Variants in FAM240B observed in about 807,000 individuals in gnomAD.
FAM240B encodes the protein family with sequence similarity 240 member B.
rs535429497 is a variant in FAM240B, at chr9:38,703,956, G to A, written c.44C>T (p.Thr15Ile). 1 of 400,364 alleles carries A rather than the reference G, an allele frequency of 2.5e-6. No homozygotes were observed. Among genetic ancestry groups the A allele is most frequent in the African/African-American group, 2.1e-5 (1 of 48,674 alleles). 24.8% of individuals were successfully genotyped at this position (400,364 alleles called of 1,614,324 possible). A position where few individuals can be genotyped will look rare whatever the true frequency, so the allele number is the denominator to read the frequency against. The stretch of plus-strand genomic sequence containing the variant: ...CCAGAAGCTTTTGAGCTCATGACAA[G>A]TTCCACAGCAGAAGACTTCTCGACG... ...YIRREVFCCGTCHELKSFWEK... is the reference protein window; with the variant it reads ...YIRREVFCCGICHELKSFWEK... Residue 15 changes from threonine (T) to isoleucine (I), a missense_variant, in exon 2 of 3, where the codon ACT (threonine) becomes ATT (isoleucine). Thr to Ile is a moderately conservative substitution (Grantham distance 89, BLOSUM62 -1). Transcript: ENST00000637493.
intron 2 of FAM240B, among the ~76,000 whole-genome samples, chr9:38,696,832 TG>T (rs1195411075): frequency 1.3e-5 from 2 of 152,102 alleles, no homozygotes; most frequent in Non-Finnish European, 2.9e-5. Context: ...AAAAAAGTGA[TG>T]ATTTATTGAG....
rs142884801 is a variant in FAM240B at position 38,701,667 on chromosome 9, G to A, written c.143+2190C>T. On this transcript the variant is annotated intron_variant, in intron 2 of 2. Transcript: ENST00000637493. Reference sequence around the variant, plus strand: ...CTGCAATCATGTCTTCAAACACTTCGTTGGGGGAGACTGATGAAATGTTTC... The same window carrying A: ...CTGCAATCATGTCTTCAAACACTTCATTGGGGGAGACTGATGAAATGTTTC... 6.1e-4 allele frequency among the ~76,000 whole-genome samples: 93 copies of A among 152,200 alleles called. No homozygotes were observed. The East Asian group carries it at 0.015, about 25-fold the overall frequency.
chr9:38,715,914 C>T (rs1821299162), intron 1 of FAM240B, among the ~76,000 whole-genome samples: 1 of 152,178 alleles, frequency 6.6e-6, no homozygotes, highest in Non-Finnish European at 1.5e-5. Flanking sequence ...CCACCCCTCC[C>T]CGGTTACTGT....
At chr9:38,716,211 C>T in intron 1 of FAM240B, among the ~76,000 whole-genome samples, 1 of 152,124 alleles carries the variant, frequency 6.6e-6, no homozygotes, top group East Asian at 1.9e-4. Flanking sequence ...GTGGCTCAAG[C>T]CAGTAATCTC....
intron 1 of FAM240B, among the ~76,000 whole-genome samples, chr9:38,713,015 C>G (rs1212313035): frequency 6.6e-6 from 1 of 152,172 alleles, no homozygotes; most frequent in East Asian, 1.9e-4. Flanking sequence ...CTGCAAGGGT[C>G]TCGCTTGGAT....
intron 1 of FAM240B, among the ~76,000 whole-genome samples, chr9:38,710,992 CAG>C (rs1482927421): frequency 1.3e-5 from 2 of 152,122 alleles, no homozygotes; most frequent in African/African-American, 2.4e-5. Context: ...AGCCACGGGA[CAG>C]AGAGATGGCG....
chr9:38,696,091 C>G (rs1257852974), intron 2 of FAM240B, among the ~76,000 whole-genome samples: 1 of 152,156 alleles, frequency 6.6e-6, no homozygotes, highest in Admixed American at 6.5e-5. Flanking sequence ...TTAAACTCTG[C>G]TCGATTATGG....
chr9:38,713,481 C>A (rs149183591), intron 1 of FAM240B, among the ~76,000 whole-genome samples: 910 of 83,650 alleles, frequency 0.011, 10 homozygotes, highest in African/African-American at 0.028. Flanking sequence ...CCGTTTCAAA[C>A]AAAAAAAAAA....
intron 1 of FAM240B, among the ~76,000 whole-genome samples, chr9:38,715,717 A>G (rs1463529699): frequency 1.3e-5 from 2 of 152,354 alleles, no homozygotes; most frequent in African/African-American, 4.8e-5. Flanking sequence ...GCAGAGCATC[A>G]GAATATGTCT....
intron 1 of FAM240B, among the ~76,000 whole-genome samples, chr9:38,707,630 A>C (rs1338953928): frequency 3.4e-5 from 5 of 147,228 alleles, no homozygotes; most frequent in African/African-American, 1.2e-4. Flanking sequence ...AAAAAACAAA[A>C]AAAAAACCAA....
At chr9:38,719,325 C>G (rs747973411) in intron 1 of FAM240B, among the ~76,000 whole-genome samples, 12 of 151,852 alleles carry the variant, frequency 7.9e-5, no homozygotes, top group Non-Finnish European at 1.3e-4. Context: ...AAAATGTTAC[C>G]AATTTGGAAA....
chr9:38,706,322 G>A (rs1247472251), intron 1 of FAM240B, among the ~76,000 whole-genome samples: 1 of 152,026 alleles, frequency 6.6e-6, no homozygotes, highest in East Asian at 1.9e-4. Context: ...TCAGGACCTG[G>A]AGCCTGCACT....
chr9:38,713,591 G>T (rs10814744), intron 1 of FAM240B, among the ~76,000 whole-genome samples: 3 of 151,440 alleles, frequency 2.0e-5, no homozygotes, highest in African/African-American at 7.3e-5. Flanking sequence ...ACTGGAACAC[G>T]GACAATTACA....
intron 1 of FAM240B, among the ~76,000 whole-genome samples, chr9:38,717,731 C>T (rs1821325007): frequency 6.6e-6 from 1 of 152,098 alleles, no homozygotes; most frequent in South Asian, 2.1e-4. Flanking sequence ...ATCCGCCCGC[C>T]TCGGCCTCCC....
At position 38,694,722 on chromosome 9, in the gene FAM240B, T is replaced by C. The variant is rs547961634; in HGVS notation, c.*54A>G. The C allele has an allele frequency of 4.3e-5, 17 of 396,220 alleles. No individual in the cohort carries two copies. In the South Asian group the frequency reaches 1.8e-3, roughly 42 times the overall value. 24.5% of individuals were successfully genotyped at this position (396,220 alleles called of 1,614,324 possible). The stretch of plus-strand genomic sequence containing the variant: ...AGCACAACTTGAGTGTTAGTTTTTT[T>C]CCCCTAGAAAAGTGGTCGCTTGCTA... On this transcript the variant is annotated 3_prime_UTR_variant, in exon 3 of 3. Transcript: ENST00000637493.
chr9:38,706,105 C>T (rs1370194104), intron 1 of FAM240B, among the ~76,000 whole-genome samples: 2 of 152,114 alleles, frequency 1.3e-5, no homozygotes, highest in African/African-American at 4.8e-5. Flanking sequence ...TTTTATTAAA[C>T]ATTTAAAAAT....
intron 1 of FAM240B, among the ~76,000 whole-genome samples, 154 bp downstream of exon 1, chr9:38,719,868 C>T (rs1821351723): frequency 6.6e-6 from 1 of 152,120 alleles, no homozygotes; most frequent in African/African-American, 2.4e-5. Flanking sequence ...ATCTGTTATT[C>T]CCAACTGGTA....
chr9:38,706,374 G>C (rs1262648730), intron 1 of FAM240B, among the ~76,000 whole-genome samples: 1 of 152,144 alleles, frequency 6.6e-6, no homozygotes, highest in Non-Finnish European at 1.5e-5. Flanking sequence ...GAGGAAGTTT[G>C]ACTTAGGTGC....
chr9:38,719,787 G>A (rs1821350859), intron 1 of FAM240B, among the ~76,000 whole-genome samples: 1 of 152,122 alleles, frequency 6.6e-6, no homozygotes, highest in African/African-American at 2.4e-5. Flanking sequence ...TCTTTAACAT[G>A]AAATTTCTGC....
Sources: gnomAD v4.1 joint callset for allele counts (sites outside exome capture counted in the v4.1 genomes callset) on GRCh38, gnomAD v4.1.1 for gene constraint, MANE v1.5 for transcripts, NCBI Gene and HGNC (gene_info 2026-07-23, HGNC 2026-07-21) for gene names.